The following IL1RN variants were observed in gnomAD, a reference collection of about 807,000 sequenced individuals.
IL1RN encodes interleukin-1 receptor antagonist protein.
In IL1RN, 10 loss-of-function variants were observed where a neutral mutation model predicts 13.7. The ratio of observed to expected loss-of-function variants is 0.73; its 90% CI spans 0.45 to 1.24. The LOEUF is 1.24. Ranked by LOEUF, IL1RN falls within the 50% of genes most tolerant of loss-of-function variation. The pLI, the probability that IL1RN is intolerant of heterozygous loss-of-function variation, is 0.00. For synonymous variants in IL1RN, 102 were observed against 82.7 expected (o/e 1.23, Z -1.27); for missense variants, 213 against 222.1 (o/e 0.96, Z 0.26).
intron 2 of IL1RN, among the ~76,000 whole-genome samples, chr2:113,121,087 T>TTCTTCTTCCTCTTCCTCTTCC (rs1686765451): frequency 2.2e-5 from 2 of 91,250 alleles, no homozygotes; most frequent in African/African-American, 8.5e-5. Context: ...CTTCTTCTTC[T>TTCTTCTTCCTCTTCCTCTTCC]TCTTCTTCCT....
chr2:113,113,409 G>A (rs1035091958), upstream of IL1RN, among the ~76,000 whole-genome samples: 5 of 152,112 alleles, frequency 3.3e-5, no homozygotes, highest in African/African-American at 1.2e-4. Context: ...GTTGTCAGGA[G>A]CAGGAGAAAA....
chr2:113,105,381 T>C (rs1462441580), upstream of IL1RN, among the ~76,000 whole-genome samples: 1 of 152,226 alleles, frequency 6.6e-6, no homozygotes, highest in African/African-American at 2.4e-5. Context: ...TGGGCTTACT[T>C]ATCATCCTGC....
chr2:113,121,069 C>T lies in IL1RN; in HGVS notation c.73+941C>T, dbSNP rs1261375876. 2.2e-4 allele frequency among the ~76,000 whole-genome samples: 27 copies of T among 123,086 alleles called. No homozygotes were observed. In the South Asian group the frequency reaches 3.8e-3, roughly 17 times the overall value. 80.7% of individuals were successfully genotyped at this position (123,086 alleles called of 152,430 possible). A position where few individuals can be genotyped will look rare whatever the true frequency, so the allele number is the denominator to read the frequency against. The stretch of plus-strand genomic sequence containing the variant: ...CCTCTTCTTCTTCTTCCTCCTCCTC[C>T]TCCTCCTCTTCTTCTTCTTCTTCTT... On this transcript the variant is annotated intron_variant, in intron 2 of 5. Transcript: ENST00000259206.
In IL1RN at chr2:113,133,249, C is replaced by A; in HGVS notation, c.*378C>A. The stretch of plus-strand genomic sequence containing the variant: ...GATCCATCAGGCCACTTGATGACCC[C>A]CAACCAAGTGGCTCCCACACCCTGT... On this transcript the variant is annotated 3_prime_UTR_variant, in exon 4 of 4. Transcript: ENST00000409930. 1 of 336,436 alleles carries A rather than the reference C, an allele frequency of 3.0e-6. No individual in the cohort carries two copies. The highest frequency in any genetic ancestry group is 2.9e-5 in the South Asian group (1 of 34,686). The allele number at this position is 336,436 out of a possible 1,614,324, so 20.8% of individuals were successfully genotyped here.
upstream of IL1RN, among the ~76,000 whole-genome samples, chr2:113,105,653 T>A (rs990818456): frequency 1.3e-5 from 2 of 152,230 alleles, no homozygotes; most frequent in African/African-American, 4.8e-5. Flanking sequence ...TTGGGTGAGA[T>A]GACATTAACA....
the IL1RN span, among the ~76,000 whole-genome samples, chr2:113,099,820 C>T: frequency 1.4e-4 from 20 of 141,772 alleles, no homozygotes; most frequent in Non-Finnish European, 2.8e-4. Context: ...CTGCAAGCTC[C>T]GCCTCCCGGG....
chr2:113,122,968 A>G (rs1366028804), upstream of IL1RN, among the ~76,000 whole-genome samples: 1 of 152,142 alleles, frequency 6.6e-6, no homozygotes, highest in African/African-American at 2.4e-5. Flanking sequence ...TCTACTAAAA[A>G]TACAAAATTA....
chr2:113,123,384 T>C (rs1686846734), upstream of IL1RN, among the ~76,000 whole-genome samples: 1 of 152,166 alleles, frequency 6.6e-6, no homozygotes, highest in Admixed American at 6.5e-5. Context: ...TGAGCATTCA[T>C]GGAACTTGGT....
At chr2:113,122,068 C>T (rs1364145356) in intron 2 of IL1RN, among the ~76,000 whole-genome samples, 1 of 152,182 alleles carries the variant, frequency 6.6e-6, no homozygotes, top group African/African-American at 2.4e-5. Flanking sequence ...GTGGTGTGTC[C>T]TGTGACACTC....
upstream of IL1RN, among the ~76,000 whole-genome samples, chr2:113,124,863 C>T (rs1686901297): frequency 6.6e-6 from 1 of 152,140 alleles, no homozygotes. Flanking sequence ...CAGACTGGGC[C>T]ACTTCTCAGG....
upstream of IL1RN, among the ~76,000 whole-genome samples, chr2:113,116,496 C>CG (rs971858896): frequency 6.7e-6 from 1 of 149,820 alleles, no homozygotes; most frequent in Non-Finnish European, 1.5e-5. Flanking sequence ...CCAGGCGGGG[C>CG]GGGGGGTGGG....
chr2:113,103,674 G>A (rs1241290385), upstream of IL1RN, among the ~76,000 whole-genome samples: 1 of 152,196 alleles, frequency 6.6e-6, no homozygotes, highest in South Asian at 2.1e-4. Context: ...AAAGTTTATG[G>A]TAATTTGTTA....
Position 113,131,114 on chromosome 2 carries a change from T to C in IL1RN, c.275T>C (p.Leu92Pro). ...FLGIHGGKMC[L>P]SCVKSGDETR... ...GGAATCCATGGAGGGAAGATGTGCCTGTCCTGTGTCAAGTCTGGTGATGAG... is the reference window on the plus strand; with the variant it reads ...GGAATCCATGGAGGGAAGATGTGCCCGTCCTGTGTCAAGTCTGGTGATGAG... Residue 92 changes from leucine (L) to proline (P), a missense_variant, in exon 3 of 4, where the codon CTG becomes CCG. Leu to Pro is a moderately conservative substitution (Grantham distance 98, BLOSUM62 -3). Coordinates refer to ENST00000409930, the MANE Select transcript of IL1RN (RefSeq NM_173842.3). 3 of 1,613,666 alleles carry C rather than the reference T, an allele frequency of 1.9e-6. No homozygotes were observed. Among genetic ancestry groups the C allele is most frequent in the Non-Finnish European group, 2.5e-6 (3 of 1,179,538 alleles).
At chr2:113,108,656 T>C (rs1686423802), upstream of IL1RN, among the ~76,000 whole-genome samples, 2 of 152,110 alleles carry the variant, frequency 1.3e-5, no homozygotes, top group African/African-American at 4.8e-5. Flanking sequence ...AAGGGAATAA[T>C]AGGATGTGGG....
chr2:113,108,523 A>C (rs1312833806), upstream of IL1RN, among the ~76,000 whole-genome samples: 1 of 151,670 alleles, frequency 6.6e-6, no homozygotes, highest in Non-Finnish European at 1.5e-5. Flanking sequence ...TTGTGATTAG[A>C]TTGGGTCCAC....
At chr2:113,103,933 AC>A (rs1553467297), upstream of IL1RN, among the ~76,000 whole-genome samples, 1 of 152,088 alleles carries the variant, frequency 6.6e-6, no homozygotes, top group Non-Finnish European at 1.5e-5. Context: ...TGTGTTGAGT[AC>A]CTACAAGGTT....
chr2:113,129,928 C>A, intron 2 of IL1RN: 1 of 469,310 alleles, frequency 2.1e-6, no homozygotes. Context: ...CTGGGAAGGG[C>A]AAATACCAGA....
chr2:113,103,045 G>A (rs986335782), upstream of IL1RN, among the ~76,000 whole-genome samples: 8 of 152,264 alleles, frequency 5.3e-5, no homozygotes, highest in South Asian at 6.2e-4. Flanking sequence ...CTACTTGATC[G>A]GACAATACTT....
intron 1 of IL1RN, 111 bp from the exon 2 acceptor site, chr2:113,129,465 T>C: frequency 1.3e-6 from 1 of 776,984 alleles, no homozygotes; most frequent in East Asian, 2.5e-5. Flanking sequence ...ACTATACCCC[T>C]GGAAGAGCTG....
Sources: gnomAD v4.1 joint callset for allele counts (sites outside exome capture counted in the v4.1 genomes callset) on GRCh38, gnomAD v4.1.1 for gene constraint, MANE v1.5 for transcripts, NCBI Gene and HGNC (gene_info 2026-07-23, HGNC 2026-07-21) for gene names.